Variants in USP53 observed in about 807,000 individuals in gnomAD.
USP53 encodes the protein ubiquitin specific peptidase 53, also known as ubiquitin carboxyl-terminal hydrolase 53.
In USP53, 71 loss-of-function variants were observed where a neutral mutation model predicts 94.9. The ratio of observed to expected loss-of-function variants is 0.75; its 90% CI spans 0.62 to 0.91. USP53 has a LOEUF of 0.91. Among genes scored for constraint, USP53 ranks in the 40% least tolerant of loss-of-function variants. USP53 has a pLI of 0.00. For missense variants in USP53, 1,173 were observed against 1,281.0 expected (o/e 0.92, Z 1.29); for synonymous variants, 375 against 422.7 (o/e 0.89, Z 1.39).
chr4:119,280,016 G>A (rs995530244), intron 17 of USP53, among the ~76,000 whole-genome samples: 20 of 152,192 alleles, frequency 1.3e-4, no homozygotes, highest in African/African-American at 4.6e-4. Context: ...TCCCTAGTGA[G>A]ATGAACCCGG....
chr4:119,239,477 T>TA lies in USP53; in HGVS notation c.-282dup, dbSNP rs1472881225. Reference sequence around the variant, plus strand: ...AAAAATCGTTTTCATATTAACCTTATACAGCTCCCATAAAATTTAACACAT... The same window carrying TA: ...AAAAATCGTTTTCATATTAACCTTATAACAGCTCCCATAAAATTTAACACAT... On this transcript the variant is annotated 5_prime_UTR_variant, in exon 5 of 19. The change abolishes the stop of an existing upstream ORF in the 5' untranslated region. Transcript: ENST00000692078. 1 of 402,842 alleles carries TA rather than the reference T, an allele frequency of 2.5e-6. No homozygotes were observed. The highest frequency in any genetic ancestry group is 2.0e-5 in the African/African-American group (1 of 49,062). The allele number at this position is 402,842 out of a possible 1,614,324, so 25.0% of individuals were successfully genotyped here. A position where few individuals can be genotyped will look rare whatever the true frequency, so the allele number is the denominator to read the frequency against.
chr4:119,252,743 C>T (rs1015615770), intron 7 of USP53, among the ~76,000 whole-genome samples: 1 of 152,048 alleles, frequency 6.6e-6, no homozygotes, highest in African/African-American at 2.4e-5. Context: ...TTCAGTTTTG[C>T]TCTGAACCTA....
chr4:119,226,409 G>T (rs745781437), intron 3 of USP53, among the ~76,000 whole-genome samples: 9 of 152,122 alleles, frequency 5.9e-5, no homozygotes, highest in Non-Finnish European at 1.3e-4. Context: ...ATAGCTCCTA[G>T]AACTAAGGTT....
At position 119,272,027 on chromosome 4, in the gene USP53, T is replaced by C. The variant is rs1751940219; in HGVS notation, c.2167T>C (p.Cys723Arg). The C allele has an allele frequency of 6.4e-7, 1 of 1,560,902 alleles. No individual in the cohort carries two copies. Among genetic ancestry groups the C allele is most frequent in the African/African-American group, 1.4e-5 (1 of 72,694 alleles). The change falls in exon 16 of 19, where the codon TGC becomes CGC. Residue 723 changes from cysteine (C) to arginine (R), a missense_variant. Cys to Arg is a radical substitution (Grantham distance 180). Transcript: ENST00000692078. ...TATCAGTGGTGTTAAAGAAACAGTATGCTTCAGGTAATGTAAAAGTTGAGT... is the reference window on the plus strand; with the variant it reads ...TATCAGTGGTGTTAAAGAAACAGTACGCTTCAGGTAATGTAAAAGTTGAGT... ...MDISGVKETV[C>R]FSDQITTSNL...
In USP53 at chr4:119,260,534, C is replaced by T. The variant is rs775846279; in HGVS notation, c.703C>T (p.Arg235Cys). The T allele has an allele frequency of 1.8e-5, 29 of 1,613,176 alleles. No homozygotes were observed. Among genetic ancestry groups the T allele is most frequent in the Non-Finnish European group, 1.9e-5 (23 of 1,179,570 alleles). Reference protein sequence around the residue: ...PSNCGQKIKIRRVLMNCPEIV... With the variant: ...PSNCGQKIKICRVLMNCPEIV... ...TAACTGTGGCCAAAAAATAAAAATTCGCCGTGTTTTAATGAATTGCCCAGA... is the reference window on the plus strand; with the variant it reads ...TAACTGTGGCCAAAAAATAAAAATTTGCCGTGTTTTAATGAATTGCCCAGA... Residue 235 changes from arginine to cysteine, a missense_variant, in exon 11 of 19, where the codon CGC becomes TGC. Arg to Cys is a radical substitution (Grantham distance 180). Coordinates refer to ENST00000692078, the MANE Select transcript of USP53 (RefSeq NM_001371395.1).
chr4:119,256,763 A>G (rs1337116438), intron 9 of USP53, among the ~76,000 whole-genome samples: 2 of 152,182 alleles, frequency 1.3e-5, no homozygotes, highest in Non-Finnish European at 2.9e-5. Flanking sequence ...TATCTATTTA[A>G]TTTATAACAA....
intron 3 of USP53, among the ~76,000 whole-genome samples, chr4:119,224,488 C>T (rs1469622746): frequency 6.6e-6 from 1 of 152,172 alleles, no homozygotes; most frequent in Non-Finnish European, 1.5e-5. Context: ...AATTATTTAA[C>T]AATGTAACTC....
chr4:119,280,121 C>T (rs1418116768), intron 17 of USP53, among the ~76,000 whole-genome samples: 2 of 152,190 alleles, frequency 1.3e-5, no homozygotes, highest in Non-Finnish European at 2.9e-5. Flanking sequence ...ATCTTGGCTC[C>T]TCCCCCGTTT....
intron 17 of USP53, among the ~76,000 whole-genome samples, chr4:119,289,908 C>T (rs1441764502): frequency 6.6e-6 from 1 of 152,104 alleles, no homozygotes; most frequent in Admixed American, 6.5e-5. Flanking sequence ...TTTTAGTTTT[C>T]AGGGTTTTGT....
chr4:119,236,645 C>T (rs368979244), intron 4 of USP53, among the ~76,000 whole-genome samples: 1 of 152,340 alleles, frequency 6.6e-6, no homozygotes, highest in African/African-American at 2.4e-5. Context: ...ACTTTCTTTG[C>T]TCAGCCGTAA....
chr4:119,239,508 C>T lies in USP53; in HGVS notation c.-252C>T, dbSNP rs1037814258. On this transcript the variant is annotated 5_prime_UTR_variant, in exon 5 of 19. Transcript: ENST00000692078. ...TCCCATAAAATTTAACACATATAAA[C>T]ATCTTTAACGCCTTGTTTAAAATAG... 2.3e-6 allele frequency: 1 copy of T among 441,734 alleles called. No homozygotes were observed. Among genetic ancestry groups the T allele is most frequent in the Non-Finnish European group, 3.9e-6 (1 of 253,976 alleles). The allele number at this position is 441,734 out of a possible 1,614,324, so 27.4% of individuals were successfully genotyped here. A position where few individuals can be genotyped will look rare whatever the true frequency, so the allele number is the denominator to read the frequency against.
intron 3 of USP53, chr4:119,218,737 T>C (rs1578402145): frequency 6.6e-6 from 1 of 152,216 alleles, no homozygotes; most frequent in Non-Finnish European, 1.5e-5. Flanking sequence ...ATGAAAGATA[T>C]ATTTTTTCTT....
Position 119,271,971 on chromosome 4 carries a change from C to G in USP53, c.2111C>G (p.Pro704Arg). The G allele has an allele frequency of 6.2e-7, 1 of 1,613,428 alleles. No homozygotes were observed. Among genetic ancestry groups the G allele is most frequent in the South Asian group, 1.1e-5 (1 of 90,850 alleles). Residue 704 changes from proline (P) to arginine (R), a missense_variant, in exon 16 of 19, where the codon CCT (proline) becomes CGT (arginine). Physicochemically the swap from Pro to Arg is moderately radical, Grantham distance 103 (BLOSUM62 -2). Transcript: ENST00000692078. ...ISNGSTNLDSPVIDGNGTVMD... is the reference protein window; with the variant it reads ...ISNGSTNLDSRVIDGNGTVMD... ...AATGGTTCTACTAATTTGGACTCAC[C>G]TGTTATCGATGGAAATGGTACAGTA... is the stretch of plus-strand genomic sequence containing the variant.
In USP53 at chr4:119,239,496, A is replaced by G. The variant is rs1747236016; in HGVS notation, c.-264A>G. On this transcript the variant is annotated 5_prime_UTR_variant, in exon 5 of 19. Coordinates refer to ENST00000692078, the MANE Select transcript of USP53 (RefSeq NM_001371395.1). ...ACCTTATACAGCTCCCATAAAATTT[A>G]ACACATATAAACATCTTTAACGCCT... The G allele has an allele frequency of 2.4e-6, 1 of 421,074 alleles. No homozygotes were observed. Among genetic ancestry groups the G allele is most frequent in the African/African-American group, 2.0e-5 (1 of 49,426 alleles). 26.1% of individuals were successfully genotyped at this position (421,074 alleles called of 1,614,324 possible).
intron 4 of USP53, 111 bp downstream of exon 4, chr4:119,235,522 C>A (rs1277970508): frequency 6.6e-6 from 1 of 152,150 alleles, no homozygotes; most frequent in African/African-American, 2.4e-5. Flanking sequence ...AAGTGATCTT[C>A]CGCACTTGAC....
At chr4:119,256,972 T>C (rs886379033) in intron 9 of USP53, among the ~76,000 whole-genome samples, 5 of 152,166 alleles carry the variant, frequency 3.3e-5, no homozygotes, top group African/African-American at 1.2e-4. Flanking sequence ...GTTATTGCAT[T>C]TGAGGACTCA....
intron 6 of USP53, among the ~76,000 whole-genome samples, chr4:119,246,014 G>T: frequency 6.6e-6 from 1 of 152,146 alleles, no homozygotes; most frequent in East Asian, 1.9e-4. Flanking sequence ...AGGCCTTGAG[G>T]TATGAGTATA....
chr4:119,268,210 C>T, intron 13 of USP53, 58 bp from the exon 14 acceptor site: 1 of 1,108,874 alleles, frequency 9.0e-7, no homozygotes, highest in Non-Finnish European at 1.3e-6. Flanking sequence ...AAAAATGATT[C>T]AAACATCTCT....
At chr4:119,264,792 A>G (rs1750912846) in intron 12 of USP53, among the ~76,000 whole-genome samples, 1 of 152,240 alleles carries the variant, frequency 6.6e-6, no homozygotes, top group Non-Finnish European at 1.5e-5. Context: ...TATATTTTCC[A>G]TATAACCCAG....
Sources: gnomAD v4.1 joint callset for allele counts (sites outside exome capture counted in the v4.1 genomes callset) on GRCh38, gnomAD v4.1.1 for gene constraint, MANE v1.5 for transcripts, NCBI Gene and HGNC (gene_info 2026-07-23, HGNC 2026-07-21) for gene names.